The following KLF12 variants were observed in gnomAD, a reference collection of about 807,000 sequenced individuals.
KLF12 encodes Krueppel-like factor 12.
Under a neutral mutation model 37.8 loss-of-function variants are expected in KLF12, and 9 were observed. That is an observed-to-expected ratio of 0.24 (90% CI 0.14 to 0.42). The LOEUF is 0.42. Among genes scored for constraint, KLF12 ranks in the 10% least tolerant of loss-of-function variants. The pLI is 1.00. For synonymous variants in KLF12, 208 were observed against 202.1 expected, an observed-to-expected ratio of 1.03 and a Z score of -0.25; for missense variants, 411 against 516.0, an observed-to-expected ratio of 0.80 and a Z score of 1.97.
At chr13:73,791,672 T>C (rs1250013953) in intron 5 of KLF12, among the ~76,000 whole-genome samples, 1 of 152,244 alleles carries the variant, frequency 6.6e-6, no homozygotes, top group Non-Finnish European at 1.5e-5. Flanking sequence ...TTGATTTGTT[T>C]GCTTGGTTGT....
the KLF12 span, among the ~76,000 whole-genome samples, chr13:74,140,924 C>T: frequency 2.4e-5 from 3 of 125,958 alleles, no homozygotes; most frequent in Admixed American, 1.7e-4. Context: ...GGCGTGGTGG[C>T]AGGCGCCTGT....
intron 3 of KLF12, among the ~76,000 whole-genome samples, chr13:73,933,452 T>G (rs1027163862): frequency 2.6e-5 from 4 of 152,176 alleles, no homozygotes; most frequent in Non-Finnish European, 5.9e-5. Context: ...ATATTTAAAT[T>G]TTTCTAAAAT....
chr13:74,279,519 A>ATTTTTTT, the KLF12 span, among the ~76,000 whole-genome samples: 1 of 146,694 alleles, frequency 6.8e-6, no homozygotes, highest in Non-Finnish European at 1.5e-5. Context: ...AATTTTGTTC[A>ATTTTTTT]TTTTTTTTTT....
chr13:74,287,283 GCT>G, the KLF12 span, among the ~76,000 whole-genome samples: 2 of 149,916 alleles, frequency 1.3e-5, no homozygotes, highest in Non-Finnish European at 3.0e-5. Context: ...TCTCCCCAGT[GCT>G]CTCTCGGGGA....
chr13:74,059,501 A>G (rs1030781250), intron 1 of KLF12, among the ~76,000 whole-genome samples: 1 of 152,128 alleles, frequency 6.6e-6, no homozygotes, highest in Admixed American at 6.5e-5. Flanking sequence ...GTGTAAGATG[A>G]TATCTCATTG....
At chr13:73,822,585 T>C (rs1271443739) in intron 4 of KLF12, among the ~76,000 whole-genome samples, 1 of 152,122 alleles carries the variant, frequency 6.6e-6, no homozygotes, top group African/African-American at 2.4e-5. Flanking sequence ...AATAATAAAA[T>C]ATAACTTAAA....
the KLF12 span, among the ~76,000 whole-genome samples, chr13:74,156,389 A>G: frequency 2.9e-4 from 44 of 152,126 alleles, no homozygotes; most frequent in Non-Finnish European, 5.6e-4. Flanking sequence ...ACTACAGTTT[A>G]TGGTATAAAA....
intron 4 of KLF12, among the ~76,000 whole-genome samples, chr13:73,828,506 A>G (rs1417971988): frequency 6.7e-6 from 1 of 149,796 alleles, no homozygotes; most frequent in Non-Finnish European, 1.5e-5. Context: ...TCCTAGATTT[A>G]TCTTTTCCTT....
the KLF12 span, among the ~76,000 whole-genome samples, chr13:74,276,101 T>A: frequency 6.6e-6 from 1 of 151,630 alleles, no homozygotes; most frequent in African/African-American, 2.4e-5. Flanking sequence ...ATGGATTAAG[T>A]ATTTGTCCTA....
chr13:74,292,866 G>C, the KLF12 span, among the ~76,000 whole-genome samples: 1 of 152,078 alleles, frequency 6.6e-6, no homozygotes, highest in South Asian at 2.1e-4. Context: ...TTGCTCTCTT[G>C]AGCATGTCAG....
At chr13:73,715,275 A>G in intron 7 of KLF12, 93 bp downstream of exon 7, 3 of 1,043,378 alleles carry the variant, frequency 2.9e-6, no homozygotes, top group Non-Finnish European at 4.2e-6. Context: ...AGAGGTACAC[A>G]GGATGAATGA....
the KLF12 span, among the ~76,000 whole-genome samples, chr13:74,147,947 TG>T: frequency 6.6e-6 from 1 of 152,088 alleles, no homozygotes; most frequent in Non-Finnish European, 1.5e-5. Context: ...AGTCTCACTC[TG>T]TCGCCCAGGC....
chr13:73,865,014 C>T (rs1404005720), intron 3 of KLF12, among the ~76,000 whole-genome samples: 2 of 151,938 alleles, frequency 1.3e-5, no homozygotes, highest in African/African-American at 4.8e-5. Flanking sequence ...AAGACATATA[C>T]AGTTATATAA....
At chr13:74,263,515 T>A in the KLF12 span, among the ~76,000 whole-genome samples, 2 of 152,198 alleles carry the variant, frequency 1.3e-5, no homozygotes, top group South Asian at 4.1e-4. Context: ...TCCAGTAATA[T>A]GGTACTAATA....
intron 7 of KLF12, among the ~76,000 whole-genome samples, chr13:73,704,454 C>T (rs1389168064): frequency 6.6e-6 from 1 of 152,174 alleles, no homozygotes; most frequent in African/African-American, 2.4e-5. Flanking sequence ...GTGTGACTCC[C>T]TGCCTGCCCC....
chr13:73,825,966 A>G (rs749331667), intron 4 of KLF12, among the ~76,000 whole-genome samples: 2 of 151,856 alleles, frequency 1.3e-5, no homozygotes, highest in African/African-American at 2.4e-5. Flanking sequence ...GGGGCAAATC[A>G]ATCATTCAAC....
At chr13:74,230,490 C>A in the KLF12 span, among the ~76,000 whole-genome samples, 1 of 152,086 alleles carries the variant, frequency 6.6e-6, no homozygotes, top group African/African-American at 2.4e-5. Context: ...TGTGCTCATC[C>A]ACACTCTCAT....
the KLF12 span, among the ~76,000 whole-genome samples, chr13:74,295,648 A>G: frequency 6.6e-6 from 1 of 152,304 alleles, no homozygotes; most frequent in Non-Finnish European, 1.5e-5. Flanking sequence ...TGATTCAAGC[A>G]TTTGTTTAAT....
intron 3 of KLF12, among the ~76,000 whole-genome samples, chr13:73,851,986 A>G (rs1468355276): frequency 6.6e-6 from 1 of 152,162 alleles, no homozygotes; most frequent in Non-Finnish European, 1.5e-5. Flanking sequence ...TAGTAAATGA[A>G]ATGGTTTTAA....
Sources: allele counts gnomAD v4.1 joint callset (sites outside exome capture counted in the v4.1 genomes callset), GRCh38; gene constraint gnomAD v4.1.1; transcripts MANE v1.5; gene names NCBI Gene and HGNC (gene_info 2026-07-23, HGNC 2026-07-21).